SAAL1: variants seen among roughly 807,000 people sequenced by gnomAD.
SAAL1 encodes protein SAAL1.
SAAL1 carries 42 observed loss-of-function variants against 59.8 expected under a neutral mutation model. That is an observed-to-expected ratio of 0.70 (90% confidence interval 0.55 to 0.91). SAAL1 has a LOEUF of 0.91. Among genes scored for constraint, SAAL1 ranks in the 40% least tolerant of loss-of-function variants. The pLI, the probability that SAAL1 is intolerant of heterozygous loss-of-function variation, is 0.00. For synonymous variants in SAAL1, 191 were observed against 194.3 expected (o/e 0.98, Z 0.14); for missense variants, 542 against 561.1 (o/e 0.97, Z 0.34).
At chr11:18,104,047 C>G (rs182927037) in intron 1 of SAAL1, among the ~76,000 whole-genome samples, 1 of 152,318 alleles carries the variant, frequency 6.6e-6, no homozygotes. Flanking sequence ...TTATAGCTCA[C>G]ATTTATCTCA....
chr11:18,097,212 G>A (rs1443201016), intron 2 of SAAL1, among the ~76,000 whole-genome samples: 1 of 152,000 alleles, frequency 6.6e-6, no homozygotes, highest in African/African-American at 2.4e-5. Flanking sequence ...ACTCCAGCCT[G>A]GGTGACAGAG....
chr11:18,080,837 C>T (rs947940522), intron 11 of SAAL1, among the ~76,000 whole-genome samples: 1 of 152,182 alleles, frequency 6.6e-6, no homozygotes, highest in Admixed American at 6.5e-5. Flanking sequence ...TAAAAACCTA[C>T]TGACTATTCC....
At chr11:18,094,584 AC>A (rs1848553774) in intron 3 of SAAL1, among the ~76,000 whole-genome samples, 2 of 152,210 alleles carry the variant, frequency 1.3e-5, no homozygotes, top group African/African-American at 4.8e-5. Flanking sequence ...ACATAAGTTC[AC>A]TAGGAAAATG....
chr11:18,093,814 A>C (rs1002032101), intron 3 of SAAL1: 3 of 152,258 alleles, frequency 2.0e-5, no homozygotes, highest in African/African-American at 7.2e-5. Flanking sequence ...GAGGGCCCTC[A>C]GGCATGGAAA....
chr11:18,101,057 T>C (rs1402109910), intron 2 of SAAL1, among the ~76,000 whole-genome samples: 2 of 152,138 alleles, frequency 1.3e-5, no homozygotes, highest in Non-Finnish European at 2.9e-5. Context: ...CAAATTATAA[T>C]CACAATGAGC....
chr11:18,083,546 C>A lies in SAAL1; in HGVS notation c.1228G>T (p.Ala410Ser). The A allele has an allele frequency of 1.3e-6, 2 of 1,567,458 alleles. No individual in the cohort carries two copies. Among genetic ancestry groups the A allele is most frequent in the East Asian group, 2.2e-5 (1 of 44,582 alleles). Residue 410 changes from alanine (A) to serine (S), a missense_variant, in exon 10 of 12, where the codon GCA (alanine) becomes TCA (serine). Ala to Ser is a moderately conservative substitution (Grantham distance 99). Transcript: ENST00000524803. ...LCEFLSNIFQALTKETVAQGV... is the reference protein window; with the variant it reads ...LCEFLSNIFQSLTKETVAQGV... ...TACTTCTTTCCTACCTTTGTTAATG[C>A]CTGAAAAATATTAGAAAGAAATTCA...
Position 18,087,226 on chromosome 11 carries a change from C to T in SAAL1, c.771-1G>A. Reference sequence around the variant, plus strand: ...ATCAAGCCATTCTGGATTTTCAGAACTAAATAGGAAAAGTAAAAGCACTGA... The same window carrying T: ...ATCAAGCCATTCTGGATTTTCAGAATTAAATAGGAAAAGTAAAAGCACTGA... On this transcript the variant is annotated splice_acceptor_variant, in intron 7 of 11. Coordinates refer to ENST00000524803, the MANE Select transcript of SAAL1 (RefSeq NM_138421.3). LOFTEE classifies it high-confidence loss of function. 6.2e-7 allele frequency: 1 copy of T among 1,601,718 alleles called. No homozygotes were observed. Among genetic ancestry groups the T allele is most frequent in the Non-Finnish European group, 8.6e-7 (1 of 1,169,060 alleles).
intron 9 of SAAL1, among the ~76,000 whole-genome samples, chr11:18,085,850 A>C (rs946714971): frequency 6.6e-6 from 1 of 152,184 alleles, no homozygotes; most frequent in Non-Finnish European, 1.5e-5. Flanking sequence ...TCTGGGAAAA[A>C]ACTGATACCA....
chr11:18,087,249 T>G, intron 7 of SAAL1, 24 bp from the exon 8 acceptor site: 1 of 1,464,296 alleles, frequency 6.8e-7, no homozygotes, highest in Non-Finnish European at 9.6e-7. Flanking sequence ...GTAAAAGCAC[T>G]GAATCAACAA....
At chr11:18,092,407 C>T (rs924468690) in intron 3 of SAAL1, 83 bp from the exon 4 acceptor site, 1 of 906,306 alleles carries the variant, frequency 1.1e-6, no homozygotes, top group African/African-American at 1.7e-5. Context: ...AAAACTTTCG[C>T]TGAGCCAAGT....
At chr11:18,104,268 T>C (rs1265614354) in intron 1 of SAAL1, among the ~76,000 whole-genome samples, 1 of 152,200 alleles carries the variant, frequency 6.6e-6, no homozygotes, top group Non-Finnish European at 1.5e-5. Flanking sequence ...CCATAATCGT[T>C]TAGAAGTCAC....
At chr11:18,103,924 A>G (rs770850062) in intron 1 of SAAL1, among the ~76,000 whole-genome samples, 4 of 152,220 alleles carry the variant, frequency 2.6e-5, no homozygotes, top group African/African-American at 4.8e-5. Flanking sequence ...CCTTGATTTA[A>G]CACAATCAAA....
intron 6 of SAAL1, 44 bp downstream of exon 6, chr11:18,090,131 A>ATTTT (rs765475859): frequency 1.3e-6 from 2 of 1,483,210 alleles, no homozygotes; most frequent in African/African-American, 3.4e-5. Context: ...TAAAAATTAG[A>ATTTT]TACAATTTAA....
intron 2 of SAAL1, among the ~76,000 whole-genome samples, chr11:18,098,366 G>A (rs922664042): frequency 6.6e-5 from 10 of 152,334 alleles, no homozygotes; most frequent in African/African-American, 2.4e-4. Context: ...CAGGTGACAT[G>A]TGAGTGGACA....
At chr11:18,101,245 C>T (rs562105825) in intron 2 of SAAL1, among the ~76,000 whole-genome samples, 2 of 151,788 alleles carry the variant, frequency 1.3e-5, no homozygotes, top group East Asian at 3.9e-4. Context: ...GTTAAGCATA[C>T]ACCTACCGTA....
At chr11:18,087,406 C>G (rs1848477473) in intron 7 of SAAL1, among the ~76,000 whole-genome samples, 181 bp from the exon 8 acceptor site, 3 of 152,024 alleles carry the variant, frequency 2.0e-5, no homozygotes, top group Admixed American at 1.3e-4. Context: ...ATAGGGGAAA[C>G]AGCAAAAAAT....
intron 2 of SAAL1, among the ~76,000 whole-genome samples, chr11:18,102,129 C>T (rs987444111): frequency 6.6e-6 from 1 of 152,018 alleles, no homozygotes; most frequent in Non-Finnish European, 1.5e-5. Flanking sequence ...TGGCTGGGTG[C>T]GGTGACTCAC....
At chr11:18,083,204 G>T (rs1217569980) in intron 10 of SAAL1, 2 of 157,536 alleles carry the variant, frequency 1.3e-5, no homozygotes, top group Non-Finnish European at 1.4e-5. Context: ...CAGTAAAAAA[G>T]TCTTTCATCT....
intron 2 of SAAL1, among the ~76,000 whole-genome samples, chr11:18,097,784 G>C (rs1278214176): frequency 6.6e-6 from 1 of 151,064 alleles, no homozygotes; most frequent in Non-Finnish European, 1.5e-5. Flanking sequence ...AGGTTGCAGT[G>C]AGCCATGACT....
Sources: gnomAD v4.1 joint callset for allele counts (sites outside exome capture counted in the v4.1 genomes callset) on GRCh38, gnomAD v4.1.1 for gene constraint, MANE v1.5 for transcripts, NCBI Gene and HGNC (gene_info 2026-07-23, HGNC 2026-07-21) for gene names.